TMEM132D: variants seen among roughly 807,000 people sequenced by gnomAD.
The protein encoded by TMEM132D is mature OL transmembrane protein.
In TMEM132D, 21 loss-of-function variants were observed where a neutral mutation model predicts 62.3. That is an observed-to-expected ratio of 0.34 (90% CI 0.24 to 0.49). The LOEUF (loss-of-function observed/expected upper bound fraction) is 0.49. Ranked by LOEUF, TMEM132D falls within the 20% of genes least tolerant of loss-of-function variation. The pLI, the probability that TMEM132D is intolerant of heterozygous loss-of-function variation, is 0.99. For synonymous variants in TMEM132D, 621 were observed against 575.6 expected, an observed-to-expected ratio of 1.08 and a Z score of -1.13; for missense variants, 1,346 against 1,402.8, an observed-to-expected ratio of 0.96 and a Z score of 0.65.
chr12:129,736,864 C>G (rs924371737), intron 1 of TMEM132D, among the ~76,000 whole-genome samples: 2 of 146,478 alleles, frequency 1.4e-5, no homozygotes, highest in Admixed American at 1.4e-4. Flanking sequence ...TCACCCAGAG[C>G]TGGAGTGCAA....
intron 3 of TMEM132D, among the ~76,000 whole-genome samples, chr12:129,508,484 C>G (rs1875406973): frequency 6.6e-6 from 1 of 152,144 alleles, no homozygotes; most frequent in Non-Finnish European, 1.5e-5. Flanking sequence ...CCTTCTCTTC[C>G]TCTTCCTCCT....
At chr12:129,658,563 C>T (rs1276460939) in intron 2 of TMEM132D, among the ~76,000 whole-genome samples, 2 of 152,152 alleles carry the variant, frequency 1.3e-5, no homozygotes, top group African/African-American at 2.4e-5. Context: ...CAACACGTAG[C>T]GTCTGCCCTG....
At chr12:129,453,713 CT>C (rs1873375267) in intron 3 of TMEM132D, among the ~76,000 whole-genome samples, 1 of 152,172 alleles carries the variant, frequency 6.6e-6, no homozygotes, top group Non-Finnish European at 1.5e-5. Flanking sequence ...GAAGATGTCT[CT>C]TCTTTGTTTG....
At chr12:129,216,178 A>T (rs1178469388) in intron 4 of TMEM132D, among the ~76,000 whole-genome samples, 1 of 152,202 alleles carries the variant, frequency 6.6e-6, no homozygotes, top group Non-Finnish European at 1.5e-5. Context: ...TAATGATGGT[A>T]TGTACCTCTT....
chr12:129,158,400 G>T (rs537179323), intron 5 of TMEM132D, among the ~76,000 whole-genome samples: 1 of 147,452 alleles, frequency 6.8e-6, no homozygotes, highest in South Asian at 2.2e-4. Context: ...AAAAAATAAT[G>T]CATTTGCTTT....
chr12:129,730,222 C>T (rs1407696856), intron 1 of TMEM132D, among the ~76,000 whole-genome samples: 6 of 152,144 alleles, frequency 3.9e-5, no homozygotes, highest in Admixed American at 6.5e-5. Flanking sequence ...AAAGTCTAAT[C>T]TGGACAAAGA....
intron 4 of TMEM132D, among the ~76,000 whole-genome samples, chr12:129,227,125 G>A (rs1164311399): frequency 2.6e-5 from 4 of 151,892 alleles, no homozygotes; most frequent in African/African-American, 9.7e-5. Context: ...TACTGCCTCT[G>A]TTTAAATTTA....
intron 3 of TMEM132D, among the ~76,000 whole-genome samples, chr12:129,477,557 A>T (rs1199744692): frequency 2.6e-5 from 4 of 152,226 alleles, no homozygotes. Context: ...GCCGTGGCTC[A>T]CACCTGTAAT....
chr12:129,638,616 C>CAT (rs569430518), intron 2 of TMEM132D, among the ~76,000 whole-genome samples: 4,097 of 88,862 alleles, frequency 0.046, 92 homozygotes, highest in South Asian at 0.17. Flanking sequence ...ATAAATTCAG[C>CAT]ATATATATAT....
chr12:129,793,475 G>T (rs920340669), intron 1 of TMEM132D, among the ~76,000 whole-genome samples: 1 of 152,000 alleles, frequency 6.6e-6, no homozygotes, highest in African/African-American at 2.4e-5. Context: ...CAGCTCAAGC[G>T]ATCCTCCCAC....
intron 1 of TMEM132D, among the ~76,000 whole-genome samples, chr12:129,776,380 T>A (rs1053368071): frequency 6.6e-6 from 1 of 152,164 alleles, no homozygotes; most frequent in Non-Finnish European, 1.5e-5. Flanking sequence ...GGAAGCTTTT[T>A]TTGGAAGTTA....
intron 3 of TMEM132D, among the ~76,000 whole-genome samples, chr12:129,372,987 T>C (rs535047323): frequency 2.6e-3 from 402 of 152,178 alleles, no homozygotes; most frequent in Non-Finnish European, 4.8e-3. Context: ...GCCACTAAGT[T>C]TGTGGTAGTT....
At chr12:129,613,867 CCAGAACCCAGGGGACTGTCTG>C (rs1240504902) in intron 2 of TMEM132D, among the ~76,000 whole-genome samples, 1 of 149,116 alleles carries the variant, frequency 6.7e-6, no homozygotes, top group East Asian at 2.0e-4. Flanking sequence ...CCAACCAGCT[CCAGAACCCAGGGGACTGTCTG>C]CAGAACCCAG....
chr12:129,875,410 A>T (rs1874385306), intron 1 of TMEM132D, among the ~76,000 whole-genome samples: 1 of 152,218 alleles, frequency 6.6e-6, no homozygotes, highest in Non-Finnish European at 1.5e-5. Context: ...GAGGCTGGAA[A>T]GCCGAGACCA....
chr12:129,318,385 G>A (rs1337042232), intron 4 of TMEM132D, among the ~76,000 whole-genome samples: 1 of 152,114 alleles, frequency 6.6e-6, no homozygotes, highest in Non-Finnish European at 1.5e-5. Flanking sequence ...GGCTTCCTGT[G>A]AGCCAAACTG....
chr12:129,822,129 G>C (rs1390391229), intron 1 of TMEM132D, among the ~76,000 whole-genome samples: 2 of 152,102 alleles, frequency 1.3e-5, no homozygotes, highest in Non-Finnish European at 2.9e-5. Flanking sequence ...CCAAGAGACG[G>C]GAAAGAGGAC....
intron 1 of TMEM132D, among the ~76,000 whole-genome samples, chr12:129,766,364 T>C (rs1435268417): frequency 6.6e-6 from 1 of 152,230 alleles, no homozygotes; most frequent in East Asian, 1.9e-4. Flanking sequence ...CTGTGTTCTT[T>C]GAAATTTTGA....
intron 3 of TMEM132D, among the ~76,000 whole-genome samples, chr12:129,474,777 A>G (rs896200491): frequency 6.6e-6 from 1 of 152,162 alleles, no homozygotes; most frequent in African/African-American, 2.4e-5. Context: ...ATCTTGTCCA[A>G]TTCTGGTCTC....
intron 1 of TMEM132D, among the ~76,000 whole-genome samples, chr12:129,835,037 C>T (rs1175240824): frequency 2.0e-5 from 3 of 152,106 alleles, no homozygotes; most frequent in Non-Finnish European, 2.9e-5. Context: ...TAACATCAGC[C>T]GTATGCACTA....
Sources: allele counts gnomAD v4.1 joint callset (sites outside exome capture counted in the v4.1 genomes callset), GRCh38; gene constraint gnomAD v4.1.1; transcripts MANE v1.5; gene names NCBI Gene and HGNC (gene_info 2026-07-23, HGNC 2026-07-21).